The following PTCHD4 variants were observed in gnomAD, a reference collection of about 807,000 sequenced individuals.
PTCHD4 encodes patched domain-containing protein 4.
In PTCHD4, 33 loss-of-function variants were observed where a neutral mutation model predicts 58.1. That is an observed-to-expected ratio of 0.57 (90% CI 0.43 to 0.76). PTCHD4 has a LOEUF of 0.76. Ranked by LOEUF, PTCHD4 falls within the 30% of genes least tolerant of loss-of-function variation. The pLI, the probability that PTCHD4 is intolerant of heterozygous loss-of-function variation, is 0.00. For synonymous variants in PTCHD4, 478 were observed against 409.6 expected (o/e 1.17, Z -2.02); for missense variants, 1,058 against 1,027.1 (o/e 1.03, Z -0.41).
rs1198594532 is a variant in PTCHD4 at position 47,857,800 on chromosome 6, C to G, written c.*20503G>C. The stretch of plus-strand genomic sequence containing the variant: ...ATTGAGCACACAGGTATTAAACATA[C>G]AAATGATTGGCATTAAACATTCTTT... On this transcript the variant is annotated 3_prime_UTR_variant, in exon 5 of 5. Transcript: ENST00000339488. 6.6e-6 allele frequency among the ~76,000 whole-genome samples: 1 copy of G among 151,894 alleles called. No individual in the cohort carries two copies. Among genetic ancestry groups the G allele is most frequent in the Non-Finnish European group, 1.5e-5 (1 of 67,926 alleles).
rs1015185213 is a variant in PTCHD4, at chr6:47,890,810, C to T, written c.899-10874G>A. On this transcript the variant is annotated intron_variant, in intron 4 of 4. Coordinates refer to ENST00000339488, the MANE Select transcript of PTCHD4 (RefSeq NM_001384253.1). ...AGCACCACTGCAGAGCCAGCACACA[C>T]AGGATGGCTTGCTTTCCTGCTCTCT... 4.0e-6 allele frequency: 3 copies of T among 747,964 alleles called. No individual in the cohort carries two copies. The African/African-American group carries it at 5.7e-5, about 14-fold the overall frequency. 46.3% of individuals were successfully genotyped at this position (747,964 alleles called of 1,614,324 possible). A position where few individuals can be genotyped will look rare whatever the true frequency, so the allele number is the denominator to read the frequency against.
chr6:47,950,277 C>T (rs561682126), intron 4 of PTCHD4, among the ~76,000 whole-genome samples: 1 of 152,074 alleles, frequency 6.6e-6, no homozygotes, highest in Non-Finnish European at 1.5e-5. Flanking sequence ...ATAAATTACA[C>T]CTTAAAGAGC....
At chr6:47,885,159 T>A (rs1284302485) in intron 4 of PTCHD4, among the ~76,000 whole-genome samples, 2 of 152,170 alleles carry the variant, frequency 1.3e-5, no homozygotes, top group African/African-American at 2.4e-5. Context: ...AATATTTCCT[T>A]TAGCACAGTT....
chr6:48,093,654 C>T (rs1765408975), intron 1 of PTCHD4, among the ~76,000 whole-genome samples: 1 of 152,062 alleles, frequency 6.6e-6, no homozygotes, highest in Admixed American at 6.5e-5. Flanking sequence ...AACCTCCCTG[C>T]CCACTTTTAA....
At chr6:48,035,596 A>C (rs556337225) in intron 3 of PTCHD4, among the ~76,000 whole-genome samples, 1 of 152,240 alleles carries the variant, frequency 6.6e-6, no homozygotes, top group East Asian at 1.9e-4. Flanking sequence ...TTTTTTAACC[A>C]AGCCTTGGCT....
intron 4 of PTCHD4, among the ~76,000 whole-genome samples, chr6:47,974,377 G>A (rs1233752552): frequency 6.6e-6 from 1 of 152,144 alleles, no homozygotes; most frequent in Admixed American, 6.5e-5. Context: ...TGGACTTTGA[G>A]AGCTAGAAGT....
intron 3 of PTCHD4, among the ~76,000 whole-genome samples, chr6:48,056,379 G>A (rs1193218051): frequency 6.6e-6 from 1 of 152,108 alleles, no homozygotes; most frequent in African/African-American, 2.4e-5. Flanking sequence ...AACCTATACT[G>A]TCTAGGGGTT....
intron 1 of PTCHD4, among the ~76,000 whole-genome samples, chr6:48,084,335 G>C (rs1197455741): frequency 6.6e-6 from 1 of 152,206 alleles, no homozygotes; most frequent in East Asian, 1.9e-4. Context: ...TTGAATGTTA[G>C]ATGGAAACTC....
intron 4 of PTCHD4, among the ~76,000 whole-genome samples, chr6:47,951,478 A>G (rs1443580179): frequency 1.3e-5 from 2 of 152,224 alleles, no homozygotes; most frequent in African/African-American, 4.8e-5. Context: ...ACATACTACA[A>G]TAAAAATATA....
Position 47,862,354 on chromosome 6 carries a change from G to A in PTCHD4, c.*15949C>T, listed in dbSNP as rs888687895. Among the ~76,000 whole-genome samples, 16 of 151,430 alleles carry A rather than the reference G, an allele frequency of 1.1e-4. No homozygotes were observed. Among genetic ancestry groups the A allele is most frequent in the Non-Finnish European group, 1.6e-4 (11 of 67,724 alleles). On this transcript the variant is annotated 3_prime_UTR_variant, in exon 5 of 5. Coordinates refer to ENST00000339488, the MANE Select transcript of PTCHD4 (RefSeq NM_001384253.1). ...ACATACTAAATTTTTTTTGTAGGCT[G>A]CTTTCCCCCTTTTCCCTTCATTGAA...
intron 4 of PTCHD4, among the ~76,000 whole-genome samples, chr6:47,954,320 G>A (rs1023383795): frequency 6.6e-6 from 1 of 152,162 alleles, no homozygotes; most frequent in Non-Finnish European, 1.5e-5. Flanking sequence ...TTGCACCACT[G>A]CACTCCAGCA....
intron 4 of PTCHD4, among the ~76,000 whole-genome samples, chr6:47,978,445 C>T (rs12189800): frequency 0.12 from 18,553 of 152,114 alleles, 1,461 homozygotes; most frequent in South Asian, 0.2. Flanking sequence ...ATAATTAAAG[C>T]TCTCTATATC....
chr6:48,104,086 G>A (rs12177643), intron 1 of PTCHD4, among the ~76,000 whole-genome samples: 23,810 of 151,770 alleles, frequency 0.16, 1,922 homozygotes, highest in African/African-American at 0.21. Context: ...ATTCAAATTC[G>A]GGAAATACAG....
At chr6:48,036,355 A>ACATTGTGCAGTTTCAGTTTCC (rs1763636704) in intron 3 of PTCHD4, among the ~76,000 whole-genome samples, 1 of 152,124 alleles carries the variant, frequency 6.6e-6, no homozygotes, top group African/African-American at 2.4e-5. Context: ...CCACAGTTTC[A>ACATTGTGCAGTTTCAGTTTCC]CATTGTGCAG....
At chr6:48,054,374 C>A (rs1334695749) in intron 3 of PTCHD4, among the ~76,000 whole-genome samples, 2 of 152,080 alleles carry the variant, frequency 1.3e-5, no homozygotes, top group African/African-American at 4.8e-5. Context: ...TTTCTTGAAA[C>A]AACTGCTCCC....
intron 1 of PTCHD4, among the ~76,000 whole-genome samples, chr6:48,081,848 T>A (rs1191613167): frequency 1.3e-5 from 2 of 152,224 alleles, no homozygotes; most frequent in African/African-American, 4.8e-5. Context: ...AGTAGGCTAT[T>A]TACTTTGTAT....
In PTCHD4 at chr6:48,092,946, A is replaced by G. The variant is rs539077285; in HGVS notation, c.-970+18103T>C. Among the ~76,000 whole-genome samples the G allele has an allele frequency of 8.5e-5, 13 of 152,280 alleles. No homozygotes were observed. The South Asian group carries it at 2.5e-3, about 29-fold the overall frequency. ...GGAATGTCTGTGCTCTCCACTCACT[A>G]TGATTTCTGGCTCCCTCTGTGGAAT... On this transcript the variant is annotated intron_variant, in intron 1 of 4. Transcript: ENST00000339488.
intron 1 of PTCHD4, among the ~76,000 whole-genome samples, chr6:48,081,627 C>G (rs1031262539): frequency 6.6e-6 from 1 of 152,058 alleles, no homozygotes; most frequent in South Asian, 2.1e-4. Flanking sequence ...TGCTTCTTGC[C>G]TTCAAAGTGC....
chr6:47,998,024 G>A (rs1053498154), intron 4 of PTCHD4, among the ~76,000 whole-genome samples: 5 of 152,078 alleles, frequency 3.3e-5, no homozygotes, highest in Non-Finnish European at 7.4e-5. Context: ...CACCCTACAA[G>A]TTTCCAGAGT....
Sources: gnomAD v4.1 joint callset for allele counts (sites outside exome capture counted in the v4.1 genomes callset) on GRCh38, gnomAD v4.1.1 for gene constraint, MANE v1.5 for transcripts, NCBI Gene and HGNC (gene_info 2026-07-23, HGNC 2026-07-21) for gene names.